The following RAVER2 variants were observed in gnomAD, a reference collection of about 807,000 sequenced individuals.
The protein encoded by RAVER2 is ribonucleoprotein, PTB binding 2, also known as ribonucleoprotein PTB-binding 2.
Under a neutral mutation model 78.1 loss-of-function variants are expected in RAVER2, and 46 were observed. That is an observed-to-expected ratio of 0.59 (90% CI 0.46 to 0.75). RAVER2 has a LOEUF of 0.75. RAVER2 is among the 30% of genes least tolerant of loss of function. The pLI is 0.00. For synonymous variants in RAVER2, 311 were observed against 313.3 expected, an observed-to-expected ratio of 0.99 and a Z score of 0.08; for missense variants, 793 against 837.5, an observed-to-expected ratio of 0.95 and a Z score of 0.66.
At chr1:64,763,695 A>G (rs920476164) in intron 1 of RAVER2, among the ~76,000 whole-genome samples, 1 of 152,088 alleles carries the variant, frequency 6.6e-6, no homozygotes, top group Non-Finnish European at 1.5e-5. Context: ...TGAGGTCAGG[A>G]GTTCAGGACC....
chr1:64,788,659 G>A (rs993826973), intron 4 of RAVER2, among the ~76,000 whole-genome samples: 2 of 151,292 alleles, frequency 1.3e-5, no homozygotes, highest in Non-Finnish European at 3.0e-5. Flanking sequence ...AGGCGTTGTG[G>A]CGGGTGCCTA....
chr1:64,761,158 G>A (rs1360149387), intron 1 of RAVER2, among the ~76,000 whole-genome samples: 1 of 152,178 alleles, frequency 6.6e-6, no homozygotes, highest in East Asian at 1.9e-4. Context: ...AAAGCTGAAA[G>A]TTTATTAATT....
intron 2 of RAVER2, among the ~76,000 whole-genome samples, chr1:64,773,711 A>G (rs1652384233): frequency 1.3e-5 from 2 of 152,182 alleles, no homozygotes; most frequent in Admixed American, 1.3e-4. Flanking sequence ...TGGGATAGCT[A>G]GGTTAAATGA....
At chr1:64,765,002 A>G (rs1467892017) in intron 1 of RAVER2, among the ~76,000 whole-genome samples, 2 of 152,236 alleles carry the variant, frequency 1.3e-5, no homozygotes, top group African/African-American at 4.8e-5. Context: ...ACATAAAACT[A>G]ATAATCACAA....
At chr1:64,764,282 A>C (rs80309750) in intron 1 of RAVER2, among the ~76,000 whole-genome samples, 3,279 of 152,164 alleles carry the variant, frequency 0.022, 35 homozygotes, top group Non-Finnish European at 0.03. Context: ...ACAGCCCTGC[A>C]GATCATTGAG....
At chr1:64,756,603 T>C (rs1025614385) in intron 1 of RAVER2, among the ~76,000 whole-genome samples, 1 of 152,174 alleles carries the variant, frequency 6.6e-6, no homozygotes, top group Non-Finnish European at 1.5e-5. Flanking sequence ...CCTTACCCAG[T>C]TTCCCCTGAT....
At chr1:64,831,188 A>G (rs1654119310) in exon 12 of RAVER2, 1 of 418,116 alleles carries the variant, frequency 2.4e-6, no homozygotes, top group South Asian at 6.7e-5. Context: ...TTTCCACTAG[A>G]GTCAGATGCA....
exon 12 of RAVER2, chr1:64,831,090 T>G (rs1654116714): frequency 1.1e-5 from 14 of 1,226,398 alleles, no homozygotes; most frequent in Non-Finnish European, 1.3e-5. Context: ...AATACGGGTT[T>G]ATAGTTTCCC....
intron 1 of RAVER2, among the ~76,000 whole-genome samples, chr1:64,765,239 G>T (rs1652142964): frequency 6.6e-6 from 1 of 152,174 alleles, no homozygotes; most frequent in Non-Finnish European, 1.5e-5. Context: ...GTACACCACA[G>T]GAATTTCTCT....
chr1:64,803,975 T>TAA (rs1376978263), intron 6 of RAVER2, among the ~76,000 whole-genome samples: 1 of 152,168 alleles, frequency 6.6e-6, no homozygotes, highest in Non-Finnish European at 1.5e-5. Flanking sequence ...ATGCATTACC[T>TAA]TTAAGGCCCA....
intron 5 of RAVER2, 28 bp from the exon 6 acceptor site, chr1:64,802,948 T>C (rs1230539830): frequency 2.7e-6 from 4 of 1,505,104 alleles, no homozygotes; most frequent in Non-Finnish European, 3.6e-6. Flanking sequence ...ATATATAAAT[T>C]AAAGTTTTTA....
intron 2 of RAVER2, among the ~76,000 whole-genome samples, chr1:64,774,138 ACT>A (rs770564850): frequency 6.6e-6 from 1 of 151,968 alleles, no homozygotes; most frequent in Non-Finnish European, 1.5e-5. Context: ...TTGCCTATTC[ACT>A]CTGCTGATAA....
chr1:64,812,576 A>G (rs2100886236), intron 9 of RAVER2, among the ~76,000 whole-genome samples, 162 bp from the exon 10 acceptor site: 1 of 152,140 alleles, frequency 6.6e-6, no homozygotes, highest in East Asian at 1.9e-4. Context: ...TAAAAACCTA[A>G]TTGAACAACT....
chr1:64,824,407 T>A (rs574920260), intron 11 of RAVER2, among the ~76,000 whole-genome samples: 1 of 152,200 alleles, frequency 6.6e-6, no homozygotes, highest in Non-Finnish European at 1.5e-5. Context: ...TGCCAAAAAG[T>A]ACATTGTGTT....
At chr1:64,812,894 CTTTTCATAATAAG>C in intron 10 of RAVER2, 45 bp downstream of exon 10, 1 of 1,368,146 alleles carries the variant, frequency 7.3e-7, no homozygotes, top group African/African-American at 1.5e-5. Context: ...TTACTGAATA[CTTTTCATAATAAG>C]TTTTACTTTA....
rs1651507859 is a variant in RAVER2 at position 64,745,617 on chromosome 1, G to A, written c.249+196G>A. 6.6e-6 allele frequency among the ~76,000 whole-genome samples: 1 copy of A among 152,128 alleles called. No individual in the cohort carries two copies. Among genetic ancestry groups the A allele is most frequent in the Non-Finnish European group, 1.5e-5 (1 of 68,010 alleles). On this transcript the variant is annotated intron_variant, in intron 1 of 11. Coordinates refer to ENST00000294428, the Ensembl canonical transcript of RAVER2. This position sits in a 1 kb window ranked among gnomAD's most constrained non-coding sequence, Gnocchi z 4.3. ...GCCCTGCCAGGGAGGGGGGCAGATTGGGAAACTGAGGCTCTGAGTGGCGAA... is the reference window on the plus strand; with the variant it reads ...GCCCTGCCAGGGAGGGGGGCAGATTAGGAAACTGAGGCTCTGAGTGGCGAA...
intron 1 of RAVER2, among the ~76,000 whole-genome samples, chr1:64,746,628 G>A (rs982965761): frequency 3.9e-5 from 6 of 152,104 alleles, no homozygotes; most frequent in South Asian, 2.1e-4. Flanking sequence ...CTTATAACCC[G>A]TAGGCATGGG....
At chr1:64,776,790 T>C (rs543779437) in intron 2 of RAVER2, among the ~76,000 whole-genome samples, 1 of 152,362 alleles carries the variant, frequency 6.6e-6, no homozygotes, top group African/African-American at 2.4e-5. Flanking sequence ...CAAATTGATA[T>C]GGTTAAAATG....
chr1:64,788,560 G>A (rs928636161), intron 4 of RAVER2, among the ~76,000 whole-genome samples: 3 of 150,658 alleles, frequency 2.0e-5, no homozygotes, highest in African/African-American at 4.9e-5. Context: ...TTGGGAGGCC[G>A]AGGTGGTGGA....
Sources: gnomAD v4.1 joint callset for allele counts (sites outside exome capture counted in the v4.1 genomes callset) on GRCh38, gnomAD v4.1.1 for gene constraint, Gnocchi (gnomAD v3.1) non-coding constraint, MANE v1.5 for transcripts, NCBI Gene and HGNC (gene_info 2026-07-23, HGNC 2026-07-21) for gene names.